OGFOD3: variants seen among roughly 807,000 people sequenced by gnomAD.
OGFOD3 encodes 2-oxoglutarate and iron dependent oxygenase domain containing 3.
Under a neutral mutation model 39.8 loss-of-function variants are expected in OGFOD3, and 35 were observed. The ratio of observed to expected loss-of-function variants is 0.88; its 90% CI spans 0.67 to 1.17. The LOEUF is 1.17. OGFOD3 is among the 50% of genes most tolerant of loss of function. OGFOD3 has a pLI of 0.00. For synonymous variants in OGFOD3, 200 were observed against 192.0 expected (o/e 1.04, Z -0.34); for missense variants, 438 against 454.5 (o/e 0.96, Z 0.33).
chr17:82,393,454 G>C (rs1026444729), intron 8 of OGFOD3: 2 of 152,282 alleles, frequency 1.3e-5, no homozygotes, highest in African/African-American at 4.8e-5. Context: ...CCTGGAAATA[G>C]TGGAGCAAAA....
At chr17:82,393,076 AG>A in intron 8 of OGFOD3, 1 of 153,066 alleles carries the variant, frequency 6.5e-6, no homozygotes, top group East Asian at 1.9e-4. Context: ...GGCAGTAACC[AG>A]GGCCCGGGGC....
intron 7 of OGFOD3, among the ~76,000 whole-genome samples, chr17:82,402,756 A>G (rs2052787368): frequency 6.6e-6 from 1 of 151,260 alleles, no homozygotes; most frequent in Non-Finnish European, 1.5e-5. Context: ...TTAAAAAAAA[A>G]AAAGAAAGAA....
intron 7 of OGFOD3, among the ~76,000 whole-genome samples, chr17:82,402,577 T>C (rs2052784508): frequency 6.6e-6 from 1 of 150,940 alleles, no homozygotes; most frequent in African/African-American, 2.4e-5. Flanking sequence ...TGAAACCCCA[T>C]CTCTACTAAA....
chr17:82,413,725 G>A (rs2052989702), intron 2 of OGFOD3, among the ~76,000 whole-genome samples: 1 of 151,870 alleles, frequency 6.6e-6, no homozygotes, highest in African/African-American at 2.4e-5. Context: ...ACAAAAATTA[G>A]CCAGACATGG....
At chr17:82,405,729 C>T (rs1247373250) in intron 5 of OGFOD3, among the ~76,000 whole-genome samples, 2 of 150,662 alleles carry the variant, frequency 1.3e-5, no homozygotes. Context: ...GCAGGTGGAT[C>T]ACTTGAGGTC....
In OGFOD3 at chr17:82,406,324, A is replaced by T; in HGVS notation, c.488+94T>A. On this transcript the variant is annotated intron_variant, in intron 5 of 8. Coordinates refer to ENST00000313056, the MANE Select transcript of OGFOD3 (RefSeq NM_024648.3). The surrounding 1 kb of genome is among the most constrained non-coding windows in gnomAD (Gnocchi z 5.2). ...GCTGCACCGAGCCGGATCCTCCCTC[A>T]CATGTCCACGTGTCCACATGTCCAT... 3 of 1,167,902 alleles carry T rather than the reference A, an allele frequency of 2.6e-6. No individual in the cohort carries two copies. The allele number at this position is 1,167,902 out of a possible 1,614,324, so 72.3% of individuals were successfully genotyped here.
intron 3 of OGFOD3, among the ~76,000 whole-genome samples, chr17:82,409,636 G>A (rs142221369): frequency 5.3e-5 from 8 of 152,264 alleles, no homozygotes; most frequent in East Asian, 1.9e-4. Flanking sequence ...GCTTAGAAAC[G>A]ACTGGGCTTC....
At chr17:82,405,979 G>C (rs2052849289) in intron 5 of OGFOD3, among the ~76,000 whole-genome samples, 1 of 152,048 alleles carries the variant, frequency 6.6e-6, no homozygotes, top group African/African-American at 2.4e-5. Context: ...AAAACAAGGA[G>C]CCAGCCGGGA....
At chr17:82,403,903 C>T (rs1381454872) in intron 7 of OGFOD3, 34 bp downstream of exon 7, 2 of 1,573,710 alleles carry the variant, frequency 1.3e-6, no homozygotes, top group Non-Finnish European at 1.7e-6. Context: ...ACCTTGTCCA[C>T]GGGCACGCTC....
In OGFOD3 at chr17:82,411,511, G is replaced by C; in HGVS notation, c.324C>G (p.Cys108Trp). Residue 108 changes from cysteine (C) to tryptophan (W), a missense_variant, in exon 3 of 9, where the codon TGC (cysteine) becomes TGG (tryptophan). Transcript: ENST00000313056. The stretch of plus-strand genomic sequence containing the variant: ...TGACGACATCGGTGACACCTCTGCC[G>C]CACTTTCGGGGAGTGCAGCCTGTGA... ...RRFEGCTPRK[C>W]GRGVTDVVIT... The C allele has an allele frequency of 6.2e-7, 1 of 1,614,024 alleles. No homozygotes were observed. Among genetic ancestry groups the C allele is most frequent in the Non-Finnish European group, 8.5e-7 (1 of 1,179,958 alleles).
chr17:82,397,922 G>T (rs1329667082), intron 8 of OGFOD3, among the ~76,000 whole-genome samples: 1 of 152,132 alleles, frequency 6.6e-6, no homozygotes, highest in African/African-American at 2.4e-5. Flanking sequence ...CACACACCAG[G>T]GAGGGAAATG....
intron 5 of OGFOD3, among the ~76,000 whole-genome samples, chr17:82,405,890 AT>A (rs556798464): frequency 1.7e-3 from 266 of 152,252 alleles, no homozygotes; most frequent in Middle Eastern, 3.4e-3. Context: ...GCAGAGTCAA[AT>A]GAGTCGAAAT....
chr17:82,411,669 G>T, intron 2 of OGFOD3, 139 bp from the exon 3 acceptor site: 2 of 661,558 alleles, frequency 3.0e-6, no homozygotes, highest in Non-Finnish European at 2.7e-6. Flanking sequence ...TCTCCAGCGT[G>T]CATGCGCTTT....
chr17:82,411,189 G>A (rs2052936467), intron 3 of OGFOD3, among the ~76,000 whole-genome samples: 1 of 151,448 alleles, frequency 6.6e-6, no homozygotes, highest in African/African-American at 2.4e-5. Flanking sequence ...TGGGACTACA[G>A]GCACATGCCA....
At chr17:82,399,113 C>T (rs1221404699) in intron 7 of OGFOD3, among the ~76,000 whole-genome samples, 4 of 152,134 alleles carry the variant, frequency 2.6e-5, no homozygotes, top group Admixed American at 1.3e-4. Context: ...TGGGATTACG[C>T]GCGTGAGTCA....
Position 82,415,417 on chromosome 17 carries a change from G to C in OGFOD3, c.285C>G (p.Asp95Glu). 6.2e-7 allele frequency: 1 copy of C among 1,613,822 alleles called. No homozygotes were observed. The highest frequency in any genetic ancestry group is 8.5e-7 in the Non-Finnish European group (1 of 1,179,838). Reference protein sequence around the residue: ...FIEVPCSEDYDSHRRFEGCTP... With the variant: ...FIEVPCSEDYESHRRFEGCTP... ...AACTACCTTCGAACCTGCGGTGACT[G>C]TCGTAGTCCTCAGAGCAGGGCACCT... Residue 95 changes from aspartate (D) to glutamate (E), a missense_variant, in exon 2 of 9, where the codon GAC (aspartate) becomes GAG (glutamate). By Grantham distance (45) the Asp-to-Glu change is conservative. Coordinates refer to ENST00000313056, the MANE Select transcript of OGFOD3 (RefSeq NM_024648.3). This position sits in a 1 kb window ranked among gnomAD's most constrained non-coding sequence, Gnocchi z 5.3.
intron 2 of OGFOD3, among the ~76,000 whole-genome samples, chr17:82,414,106 T>C (rs544731734): frequency 7.4e-4 from 113 of 152,016 alleles, no homozygotes; most frequent in African/African-American, 2.6e-3. Context: ...TGGACTTCCA[T>C]CCTCCCTCCC....
At chr17:82,395,542 C>T (rs556218732) in intron 8 of OGFOD3, among the ~76,000 whole-genome samples, 1 of 152,224 alleles carries the variant, frequency 6.6e-6, no homozygotes, top group Non-Finnish European at 1.5e-5. Context: ...TGCGACACGG[C>T]CGGGCGTGGT....
intron 1 of OGFOD3, among the ~76,000 whole-genome samples, chr17:82,416,159 C>A (rs1008068011): frequency 2.0e-5 from 3 of 152,196 alleles, no homozygotes; most frequent in Non-Finnish European, 4.4e-5. Context: ...TCATTTGAAC[C>A]CGGGAGGTGG....
Sources: gnomAD v4.1 joint callset for allele counts (sites outside exome capture counted in the v4.1 genomes callset) on GRCh38, gnomAD v4.1.1 for gene constraint, Gnocchi (gnomAD v3.1) non-coding constraint, MANE v1.5 for transcripts, NCBI Gene and HGNC (gene_info 2026-07-23, HGNC 2026-07-21) for gene names.